Variants in TCAIM observed in about 807,000 individuals in gnomAD.
TCAIM encodes the protein T cell activation inhibitor, mitochondrial, also known as T-cell activation inhibitor, mitochondrial.
In TCAIM, 36 loss-of-function variants were observed where a neutral mutation model predicts 58.6. That is an observed-to-expected ratio of 0.61 (90% CI 0.47 to 0.81). TCAIM has a LOEUF of 0.81. Among genes scored for constraint, TCAIM ranks in the 30% least tolerant of loss-of-function variants. The pLI, the probability that TCAIM is intolerant of heterozygous loss-of-function variation, is 0.00. For synonymous variants in TCAIM, 172 were observed against 193.6 expected, an observed-to-expected ratio of 0.89 and a Z score of 0.93; for missense variants, 466 against 579.6, an observed-to-expected ratio of 0.80 and a Z score of 2.01.
chr3:44,358,906 A>G, intron 3 of TCAIM: 1 of 985,336 alleles, frequency 1.0e-6, no homozygotes, highest in South Asian at 4.7e-5. Context: ...AAATATTCTG[A>G]TTATGATATG....
chr3:44,393,034 G>GA (rs1366614966), intron 6 of TCAIM, 57 bp downstream of exon 6: 2 of 1,503,434 alleles, frequency 1.3e-6, no homozygotes, highest in Non-Finnish European at 1.8e-6. Context: ...ATTACCAACT[G>GA]ATAAGCTTTT....
chr3:44,392,548 C>G (rs1014507655), intron 5 of TCAIM, among the ~76,000 whole-genome samples: 1 of 152,188 alleles, frequency 6.6e-6, no homozygotes, highest in Non-Finnish European at 1.5e-5. Flanking sequence ...CATCATTTAG[C>G]TCCCGTTTAT....
intron 10 of TCAIM, 88 bp downstream of exon 10, chr3:44,401,422 A>G: frequency 6.6e-7 from 1 of 1,517,028 alleles, no homozygotes; most frequent in Non-Finnish European, 9.0e-7. Context: ...TGGGACCTGG[A>G]AACAGTATGA....
At chr3:44,383,063 G>T (rs1701678186) in intron 5 of TCAIM, among the ~76,000 whole-genome samples, 1 of 152,120 alleles carries the variant, frequency 6.6e-6, no homozygotes. Flanking sequence ...CCACTAGAAT[G>T]GCTACTATCC....
rs1270473397 is a variant in TCAIM, at chr3:44,409,189, G to A, written c.*1507G>A. 1 of 152,166 alleles carries A rather than the reference G, an allele frequency of 6.6e-6. No homozygotes were observed. Among genetic ancestry groups the A allele is most frequent in the Non-Finnish European group, 1.5e-5 (1 of 68,040 alleles). 9.4% of individuals were successfully genotyped at this position (152,166 alleles called of 1,614,324 possible). A position where few individuals can be genotyped will look rare whatever the true frequency, so the allele number is the denominator to read the frequency against. On this transcript the variant is annotated 3_prime_UTR_variant, in exon 11 of 11. Transcript: ENST00000342649. ...TACTGATTTGTAATTATTATAGTTT[G>A]TGTGTATCATCCCTTTTAACCGTGC...
At chr3:44,356,521 C>CA (rs910128004) in intron 2 of TCAIM, among the ~76,000 whole-genome samples, 24 of 138,398 alleles carry the variant, frequency 1.7e-4, no homozygotes, top group South Asian at 4.6e-4. Context: ...GACTCTGTCT[C>CA]AAAAAAAAAA....
intron 1 of TCAIM, among the ~76,000 whole-genome samples, chr3:44,349,259 C>A (rs1321374548): frequency 6.6e-6 from 1 of 152,186 alleles, no homozygotes; most frequent in Non-Finnish European, 1.5e-5. Flanking sequence ...GCCTGGACAT[C>A]AGACATCTCA....
chr3:44,377,739 T>G (rs1213730304), intron 5 of TCAIM, among the ~76,000 whole-genome samples: 1 of 152,138 alleles, frequency 6.6e-6, no homozygotes, highest in Non-Finnish European at 1.5e-5. Flanking sequence ...TTCACAAAAT[T>G]GTGGAAATTA....
chr3:44,396,678 T>C, intron 7 of TCAIM, 65 bp from the exon 8 acceptor site: 1 of 1,556,900 alleles, frequency 6.4e-7, no homozygotes, highest in East Asian at 2.2e-5. Context: ...TTATACACTA[T>C]TTGCACAATG....
intron 1 of TCAIM, among the ~76,000 whole-genome samples, chr3:44,350,588 C>A (rs945118572): frequency 4.6e-5 from 7 of 152,026 alleles, no homozygotes; most frequent in African/African-American, 1.7e-4. Context: ...ACAACACTAC[C>A]CAGCTACTTT....
intron 3 of TCAIM, 53 bp downstream of exon 3, chr3:44,357,929 T>G: frequency 6.3e-7 from 1 of 1,585,228 alleles, no homozygotes; most frequent in Non-Finnish European, 8.6e-7. Flanking sequence ...CTTATTTACC[T>G]TTGATACAAT....
intron 5 of TCAIM, 118 bp downstream of exon 5, chr3:44,367,826 T>A: frequency 2.9e-6 from 3 of 1,032,206 alleles, no homozygotes; most frequent in Non-Finnish European, 4.0e-6. Flanking sequence ...CATTTAAAAT[T>A]AAAACCTAAT....
At chr3:44,351,962 T>TA (rs1361788504) in intron 1 of TCAIM, among the ~76,000 whole-genome samples, 2 of 151,510 alleles carry the variant, frequency 1.3e-5, no homozygotes, top group Non-Finnish European at 2.9e-5. Flanking sequence ...ATCATTCTAT[T>TA]AATAACAGTT....
rs1264728302 is a variant in TCAIM, at chr3:44,372,054, GA to G, written c.572+4348del. Among the ~76,000 whole-genome samples, 249 of 149,928 alleles carry G rather than the reference GA, an allele frequency of 1.7e-3. 2 individuals are homozygous for G. The highest frequency in any genetic ancestry group is 4.3e-3 in the African/African-American group (174 of 40,912). ...GGAAGGAAGGAAGGAAGGAAGGAAG[GA>G]AGGAAGGAAGGAAGGAAGGAAGATA... On this transcript the variant is annotated intron_variant, in intron 5 of 10. Transcript: ENST00000342649.
Position 44,367,469 on chromosome 3 carries a change from C to A in TCAIM, c.333C>A (p.Val111=). The A allele has an allele frequency of 6.2e-7, 1 of 1,608,036 alleles. No homozygotes were observed. The highest frequency in any genetic ancestry group is 1.1e-5 in the South Asian group (1 of 90,402). Residue 111 remains valine (V), a synonymous_variant, in exon 5 of 11, where the codon GTC becomes GTA. Coordinates refer to ENST00000342649, the MANE Select transcript of TCAIM (RefSeq NM_173826.4). ...EPFSTSGFRA[V]KFTLHTRDLL... ...TATATTCTCTAGGATTTCGAGCAGT[C>A]AAATTTACTTTGCACACCAGAGATC...
At chr3:44,374,295 T>A (rs1701529736) in intron 5 of TCAIM, among the ~76,000 whole-genome samples, 1 of 151,876 alleles carries the variant, frequency 6.6e-6, no homozygotes, top group African/African-American at 2.4e-5. Flanking sequence ...TCTTTTTTTT[T>A]TTTTTTATTT....
intron 3 of TCAIM, among the ~76,000 whole-genome samples, chr3:44,360,143 C>T (rs1701271736): frequency 1.3e-5 from 2 of 152,134 alleles, no homozygotes; most frequent in South Asian, 4.1e-4. Flanking sequence ...TGCTTTCCTT[C>T]CTAGCATTCC....
At chr3:44,402,732 G>A (rs1299421068) in intron 10 of TCAIM, among the ~76,000 whole-genome samples, 1 of 152,110 alleles carries the variant, frequency 6.6e-6, no homozygotes, top group East Asian at 1.9e-4. Context: ...CAAGTGGGAA[G>A]AGCCAAAGCT....
At chr3:44,353,732 G>T (rs1701138672) in intron 1 of TCAIM, among the ~76,000 whole-genome samples, 1 of 152,186 alleles carries the variant, frequency 6.6e-6, no homozygotes, top group South Asian at 2.1e-4. Context: ...TCTTCTTGGT[G>T]AGGTGTCTGT....
Sources: gnomAD v4.1 joint callset for allele counts (sites outside exome capture counted in the v4.1 genomes callset) on GRCh38, gnomAD v4.1.1 for gene constraint, MANE v1.5 for transcripts, NCBI Gene and HGNC (gene_info 2026-07-23, HGNC 2026-07-21) for gene names.